SFMBT1: variants seen among roughly 807,000 people sequenced by gnomAD.
The protein encoded by SFMBT1 is Scm like with four mbt domains 1.
SFMBT1 carries 32 observed loss-of-function variants against 108.7 expected under a neutral mutation model. The observed-to-expected ratio is 0.29, with a 90% CI of 0.22 to 0.40. SFMBT1 has a LOEUF of 0.40. SFMBT1 is among the 10% of genes least tolerant of loss of function. The probability of loss-of-function intolerance (pLI) is 1.00; values close to 1 mark genes in which losing one functional copy is unlikely to be tolerated. For synonymous variants in SFMBT1, 348 were observed against 369.5 expected (o/e 0.94, Z 0.67); for missense variants, 816 against 1,059.6 (o/e 0.77, Z 3.19).
At chr3:53,022,867 T>G (rs1220142990) in intron 1 of SFMBT1, among the ~76,000 whole-genome samples, 2 of 152,178 alleles carry the variant, frequency 1.3e-5, no homozygotes, top group Non-Finnish European at 2.9e-5. Flanking sequence ...ACTATGAACA[T>G]AGTCATACCA....
intron 1 of SFMBT1, among the ~76,000 whole-genome samples, chr3:52,971,324 T>C (rs1281974306): frequency 6.6e-6 from 1 of 152,214 alleles, no homozygotes; most frequent in Non-Finnish European, 1.5e-5. Context: ...TTGATAACTA[T>C]TAAAATTGTG....
chr3:52,911,996 G>A (rs1257207227), intron 16 of SFMBT1, among the ~76,000 whole-genome samples: 22 of 151,854 alleles, frequency 1.4e-4, no homozygotes, highest in Admixed American at 1.4e-3. Flanking sequence ...CACGGTGCCC[G>A]GTCTTAAATT....
chr3:53,022,286 G>A (rs1699336894), intron 1 of SFMBT1, among the ~76,000 whole-genome samples: 1 of 151,698 alleles, frequency 6.6e-6, no homozygotes, highest in African/African-American at 2.4e-5. Flanking sequence ...CCCATCTCTA[G>A]TAAAAACACA....
intron 20 of SFMBT1, among the ~76,000 whole-genome samples, chr3:52,905,676 C>T (rs896235888): frequency 1.3e-5 from 2 of 152,156 alleles, no homozygotes; most frequent in African/African-American, 2.4e-5. Context: ...CATAAAAACC[C>T]GATAAGCTCT....
intron 2 of SFMBT1, 100 bp downstream of exon 2, chr3:52,968,990 TTAAGACTTCAA>T: frequency 7.6e-7 from 1 of 1,313,908 alleles, no homozygotes; most frequent in Non-Finnish European, 1.1e-6. Context: ...GAAAAACAAC[TTAAGACTTCAA>T]AGAGCTTCCA....
intron 1 of SFMBT1, among the ~76,000 whole-genome samples, chr3:52,982,967 T>C (rs928669600): frequency 1.3e-5 from 2 of 152,170 alleles, no homozygotes; most frequent in Non-Finnish European, 2.9e-5. Flanking sequence ...CTCTATGATA[T>C]GGCACTGAAA....
chr3:53,031,510 A>G (rs543975335), intron 1 of SFMBT1, among the ~76,000 whole-genome samples: 13 of 152,382 alleles, frequency 8.5e-5, no homozygotes, highest in African/African-American at 2.9e-4. Context: ...TCATCAAAAT[A>G]GATATTTAAA....
intron 4 of SFMBT1, among the ~76,000 whole-genome samples, chr3:52,942,722 C>G (rs1349893385): frequency 6.6e-6 from 1 of 152,226 alleles, no homozygotes; most frequent in Non-Finnish European, 1.5e-5. Flanking sequence ...GCCATGTTGG[C>G]CAGGCTGGTC....
intron 1 of SFMBT1, among the ~76,000 whole-genome samples, chr3:53,035,337 A>C (rs912646131): frequency 2.0e-5 from 3 of 151,394 alleles, no homozygotes; most frequent in Non-Finnish European, 4.4e-5. Context: ...ATGTGACTAA[A>C]ATCAAGTTTG....
At chr3:52,915,989 C>A (rs868735241) in intron 14 of SFMBT1, among the ~76,000 whole-genome samples, 161 bp downstream of exon 14, 20 of 152,302 alleles carry the variant, frequency 1.3e-4, no homozygotes, top group Middle Eastern at 3.4e-3. Context: ...GATTATTAAA[C>A]TAAACACATC....
intron 1 of SFMBT1, among the ~76,000 whole-genome samples, chr3:53,034,771 C>T (rs1355530470): frequency 2.0e-5 from 3 of 151,822 alleles, no homozygotes; most frequent in African/African-American, 7.3e-5. Flanking sequence ...ACCCCCATCG[C>T]TACTAAAAAT....
At chr3:52,954,928 A>G (rs1703731293) in intron 2 of SFMBT1, among the ~76,000 whole-genome samples, 1 of 152,094 alleles carries the variant, frequency 6.6e-6, no homozygotes, top group Non-Finnish European at 1.5e-5. Context: ...AATCCATAGA[A>G]GAATTCTGTA....
intron 1 of SFMBT1, among the ~76,000 whole-genome samples, chr3:52,991,628 G>T (rs192975720): frequency 6.6e-6 from 1 of 152,134 alleles, no homozygotes; most frequent in Non-Finnish European, 1.5e-5. Context: ...ACAGGCGTGA[G>T]CCACCTCGCC....
intron 3 of SFMBT1, among the ~76,000 whole-genome samples, chr3:52,948,280 G>A (rs2952830): frequency 0.24 from 35,954 of 151,798 alleles, 5,104 homozygotes; most frequent in East Asian, 0.48. Flanking sequence ...TACAAAAGTG[G>A]ATCTGTTTCT....
intron 10 of SFMBT1, 46 bp downstream of exon 10, chr3:52,925,985 C>T (rs767491552): frequency 2.9e-5 from 40 of 1,364,626 alleles, no homozygotes; most frequent in Admixed American, 1.9e-4. Context: ...GCACAGCAGT[C>T]CCTGCAGCCC....
At chr3:52,918,079 G>A (rs1461719237) in intron 13 of SFMBT1, among the ~76,000 whole-genome samples, 1 of 152,144 alleles carries the variant, frequency 6.6e-6, no homozygotes, top group Non-Finnish European at 1.5e-5. Flanking sequence ...TTCTTGATGG[G>A]CACAAAGCCA....
rs748976524 is a variant in SFMBT1, at chr3:52,907,115, C to G, written c.2285G>C (p.Arg762Pro). ...PDRQRRKREL[R>P]TFSFSDDENK... ...TTCATCGTCAGAAAATGAAAAGGTG[C>G]GAAGCTCCCTTTTTCTCCTTTGTCT... The change falls in exon 19 of 21, where the codon CGC (arginine) becomes CCC (proline). Residue 762 changes from arginine (R) to proline (P), a missense_variant. Physicochemically the swap from Arg to Pro is moderately radical, Grantham distance 103. This residue lies in a region of SFMBT1 where 177 missense variants were observed against 182.0 expected (regional missense o/e 0.97). Transcript: ENST00000394752. 1.2e-6 allele frequency: 2 copies of G among 1,613,934 alleles called. No individual in the cohort carries two copies. The highest frequency in any genetic ancestry group is 1.6e-4 in the Middle Eastern group (1 of 6,084).
intron 1 of SFMBT1, among the ~76,000 whole-genome samples, chr3:53,021,675 A>G (rs537840188): frequency 2.0e-5 from 3 of 152,258 alleles, no homozygotes; most frequent in Admixed American, 2.0e-4. Context: ...AGGAAGCAGG[A>G]GTCCCCTTTC....
intron 1 of SFMBT1, among the ~76,000 whole-genome samples, chr3:53,022,145 C>T (rs1408739933): frequency 6.6e-6 from 1 of 152,152 alleles, no homozygotes; most frequent in Non-Finnish European, 1.5e-5. Context: ...TGTTTGTTTT[C>T]TACTGTAGAA....
Sources: gnomAD v4.1 joint callset for allele counts (sites outside exome capture counted in the v4.1 genomes callset) on GRCh38, gnomAD v4.1.1 for gene constraint, gnomAD v4.1.1 regional missense constraint, MANE v1.5 for transcripts, NCBI Gene and HGNC (gene_info 2026-07-23, HGNC 2026-07-21) for gene names.